Variants in WDR19 observed in about 807,000 individuals in gnomAD.
The protein encoded by WDR19 is WD repeat-containing protein 19.
Under a neutral mutation model 180.0 loss-of-function variants are expected in WDR19, and 121 were observed. The ratio of observed to expected loss-of-function variants is 0.67; its 90% CI spans 0.58 to 0.78. WDR19 has a LOEUF of 0.78. Ranked by LOEUF, WDR19 falls within the 30% of genes least tolerant of loss-of-function variation. The pLI, the probability that WDR19 is intolerant of heterozygous loss-of-function variation, is 0.00. For missense variants in WDR19, 1,450 were observed against 1,640.7 expected (o/e 0.88, Z 2.01); for synonymous variants, 497 against 540.7 (o/e 0.92, Z 1.12).
intron 5 of WDR19, 108 bp downstream of exon 5, chr4:39,194,767 AC>A: frequency 1.3e-6 from 1 of 759,310 alleles, no homozygotes; most frequent in South Asian, 1.7e-5. Flanking sequence ...TGCAGTACAA[AC>A]CCCCTCCCCA....
In WDR19 at chr4:39,228,278, G is replaced by A; in HGVS notation, c.1698G>A (p.Trp566Ter). The A allele has an allele frequency of 3.1e-6, 5 of 1,613,460 alleles. No individual in the cohort carries two copies. The highest frequency in any genetic ancestry group is 1.1e-5 in the South Asian group (1 of 91,018). ...TTAAAGGTGTTCTTTGGGAAAACTGGCCAATGGATAAAGGTGTATTTATTG... is the reference window on the plus strand; with the variant it reads ...TTAAAGGTGTTCTTTGGGAAAACTGACCAATGGATAAAGGTGTATTTATTG... ...PTIKGVLWEN[W>*]PMDKGVFIAY... The change falls in exon 16 of 37, where the codon TGG becomes TGA. Residue 566 changes from tryptophan to a stop codon, truncating the protein, a stop_gained. Coordinates refer to ENST00000399820, the MANE Select transcript of WDR19 (RefSeq NM_025132.4). LOFTEE classifies it high-confidence loss of function.
chr4:39,276,998 A>G (rs750933375), intron 33 of WDR19, 22 bp from the exon 34 acceptor site: 3 of 1,610,238 alleles, frequency 1.9e-6, no homozygotes, highest in Non-Finnish European at 2.5e-6. Flanking sequence ...GCATTTTTAA[A>G]TGACATGATT....
chr4:39,198,584 A>G (rs1384912570), intron 5 of WDR19, among the ~76,000 whole-genome samples: 4 of 139,884 alleles, frequency 2.9e-5, no homozygotes, highest in Non-Finnish European at 6.2e-5. Context: ...TTAACTTTGG[A>G]GCCAGGCACG....
In WDR19 at chr4:39,234,875, C is replaced by T. The variant is rs867487924; in HGVS notation, c.2363C>T (p.Ala788Val). Reference sequence around the variant, plus strand: ...GAATATGCTATTCAGCTTGAATTCGCGTAAGTCTTTGTTTTTATACATTTC... The same window carrying T: ...GAATATGCTATTCAGCTTGAATTCGTGTAAGTCTTTGTTTTTATACATTTC... ...SKEYAIQLEF[A>V]GDYVNALAHY... Residue 788 changes from alanine to valine, a missense_variant and splice_region_variant, in exon 20 of 37, where the codon GCG (alanine) becomes GTG (valine). Physicochemically the swap from Ala to Val is moderately conservative, Grantham distance 64. Transcript: ENST00000399820. 34 of 1,549,998 alleles carry T rather than the reference C, an allele frequency of 2.2e-5. No individual in the cohort carries two copies. Among genetic ancestry groups the T allele is most frequent in the Middle Eastern group, 3.3e-4 (2 of 5,996 alleles).
chr4:39,267,006 C>G (rs1399940211), intron 29 of WDR19, among the ~76,000 whole-genome samples: 2 of 152,208 alleles, frequency 1.3e-5, no homozygotes, highest in African/African-American at 4.8e-5. Flanking sequence ...TTGCTTGAAG[C>G]CAGGAGGCAG....
At chr4:39,190,203 A>G (rs1203661400) in intron 4 of WDR19, among the ~76,000 whole-genome samples, 1 of 152,194 alleles carries the variant, frequency 6.6e-6, no homozygotes, top group Non-Finnish European at 1.5e-5. Context: ...ATCATTCTTC[A>G]CAGCAAGTCA....
At chr4:39,211,485 A>C (rs1225896782) in intron 9 of WDR19, among the ~76,000 whole-genome samples, 1 of 152,218 alleles carries the variant, frequency 6.6e-6, no homozygotes, top group African/African-American at 2.4e-5. Flanking sequence ...CCTGGAACTA[A>C]AACTAATAAA....
intron 21 of WDR19, among the ~76,000 whole-genome samples, chr4:39,242,106 G>GC (rs1354226487): frequency 6.6e-6 from 1 of 151,824 alleles, no homozygotes; most frequent in African/African-American, 2.4e-5. Flanking sequence ...TCATTCTGTT[G>GC]CCCACACTGG....
chr4:39,259,561 T>G (rs1439468229), intron 28 of WDR19, among the ~76,000 whole-genome samples: 1 of 152,256 alleles, frequency 6.6e-6, no homozygotes, highest in Non-Finnish European at 1.5e-5. Context: ...CTCTTCCATG[T>G]TGTAGCATGT....
rs1733429688 is a variant in WDR19, at chr4:39,253,308, A to G, written c.2876+16A>G. ...TGGTAGCCAGGTAACATAATACATT[A>G]ATATTTTTGGACTTTCAAAAACTAA... On this transcript the variant is annotated intron_variant, in intron 25 of 36. Coordinates refer to ENST00000399820, the MANE Select transcript of WDR19 (RefSeq NM_025132.4). 1 of 1,601,120 alleles carries G rather than the reference A, an allele frequency of 6.2e-7. No individual in the cohort carries two copies. Among genetic ancestry groups the G allele is most frequent in the Non-Finnish European group, 8.5e-7 (1 of 1,175,708 alleles).
chr4:39,185,864 A>G (rs1415133388), intron 2 of WDR19, 47 bp downstream of exon 2: 1 of 1,439,756 alleles, frequency 6.9e-7, no homozygotes, highest in South Asian at 1.3e-5. Flanking sequence ...TGCCCATGTA[A>G]TCACACCATC....
chr4:39,191,777 A>C lies in WDR19; in HGVS notation c.290+1996A>C, dbSNP rs112241093. ...AGGTATCCTACTCAGTGTCTTTTTA[A>C]ATTGACCTTGAGTTGTCGTATTAGT... On this transcript the variant is annotated intron_variant, in intron 4 of 36. Transcript: ENST00000399820. 3.9e-4 allele frequency among the ~76,000 whole-genome samples: 60 copies of C among 152,264 alleles called. 1 individual carries two copies. The highest frequency in any genetic ancestry group is 1.3e-3 in the African/African-American group (56 of 41,550).
intron 10 of WDR19, 50 bp downstream of exon 10, chr4:39,214,721 G>A (rs1728883072): frequency 8.6e-7 from 1 of 1,168,186 alleles, no homozygotes; most frequent in Non-Finnish European, 1.3e-6. Flanking sequence ...CAGTTACAGA[G>A]AGTAAGGTTG....
intron 5 of WDR19, among the ~76,000 whole-genome samples, chr4:39,198,867 G>T (rs534425249): frequency 1.3e-5 from 2 of 152,020 alleles, no homozygotes; most frequent in East Asian, 1.9e-4. Flanking sequence ...GGGTGTGGTG[G>T]CTCGCCTGTA....
At chr4:39,219,667 C>T (rs913173309) in intron 14 of WDR19, among the ~76,000 whole-genome samples, 1 of 152,156 alleles carries the variant, frequency 6.6e-6, no homozygotes, top group African/African-American at 2.4e-5. Context: ...AACTTCAGAT[C>T]TCTAATGCGT....
chr4:39,184,432 TAAAC>T (rs763464747), intron 1 of WDR19, among the ~76,000 whole-genome samples: 47 of 151,608 alleles, frequency 3.1e-4, no homozygotes, highest in Middle Eastern at 3.4e-3. Flanking sequence ...AAAATAAAAA[TAAAC>T]AACCTCACTG....
rs762882447 is a variant in WDR19, at chr4:39,232,239, C to T, written c.2220C>T (p.Tyr740=). 9 of 1,611,800 alleles carry T rather than the reference C, an allele frequency of 5.6e-6. No individual in the cohort carries two copies. In the East Asian group the frequency reaches 1.3e-4, roughly 24 times the overall value. ...TNDYNLAQDL[Y]LASSCPIAAL... ...ATTATAACCTGGCTCAGGACTTGTA[C>T]CTTGCATCCAGCTGTCCTATTGCTG... The change falls in exon 19 of 37, where the codon TAC becomes TAT. Residue 740 remains tyrosine (Y), a synonymous_variant. Transcript: ENST00000399820.
Position 39,274,947 on chromosome 4 carries a change from G to A in WDR19, c.3705G>A (p.Glu1235=). 1 of 1,614,028 alleles carries A rather than the reference G, an allele frequency of 6.2e-7. No individual in the cohort carries two copies. Among genetic ancestry groups the A allele is most frequent in the South Asian group, 1.1e-5 (1 of 91,086 alleles). The change falls in exon 33 of 37, where the codon GAG becomes GAA. Residue 1235 remains glutamate, a synonymous_variant. Transcript: ENST00000399820. ...KIDAKYKKKI[E]GMVRRPDISE... ...ATGCCAAATACAAAAAGAAGATCGAGGGAATGGTCAGGTAGGCAGAGATGG... is the reference window on the plus strand; with the variant it reads ...ATGCCAAATACAAAAAGAAGATCGAAGGAATGGTCAGGTAGGCAGAGATGG...
chr4:39,182,585 G>A (rs1008594211), intron 1 of WDR19, 22 bp downstream of exon 1: 2 of 1,613,536 alleles, frequency 1.2e-6, no homozygotes, highest in Admixed American at 1.7e-5. Context: ...ACAAATTCCC[G>A]GGGTGGGGCG....
Sources: allele counts gnomAD v4.1 joint callset (sites outside exome capture counted in the v4.1 genomes callset), GRCh38; gene constraint gnomAD v4.1.1; transcripts MANE v1.5; gene names NCBI Gene and HGNC (gene_info 2026-07-23, HGNC 2026-07-21).